The following TP53I13 variants were observed in gnomAD, a reference collection of about 807,000 sequenced individuals.
TP53I13 encodes the protein tumor protein p53-inducible protein 13.
In TP53I13, 27 loss-of-function variants were observed where a neutral mutation model predicts 39.1. That is an observed-to-expected ratio of 0.69 (90% confidence interval 0.51 to 0.95). The LOEUF is 0.95. Ranked by LOEUF, TP53I13 falls within the 40% of genes least tolerant of loss-of-function variation. The pLI, the probability that TP53I13 is intolerant of heterozygous loss-of-function variation, is 0.00. For missense variants in TP53I13, 544 were observed against 520.4 expected, an observed-to-expected ratio of 1.05 and a Z score of -0.44; for synonymous variants, 230 against 224.6, an observed-to-expected ratio of 1.02 and a Z score of -0.22.
intron 3 of TP53I13, 66 bp from the exon 4 acceptor site, chr17:29,571,525 G>A: frequency 6.2e-7 from 1 of 1,600,068 alleles, no homozygotes; most frequent in Non-Finnish European, 8.5e-7. Context: ...TCCCCTGGAT[G>A]GGAGAACTTG....
chr17:29,572,736 C>A (rs1248661450), intron 6 of TP53I13, 39 bp downstream of exon 6: 2 of 1,494,348 alleles, frequency 1.3e-6, no homozygotes, highest in African/African-American at 2.8e-5. Flanking sequence ...AGGCCCCCGC[C>A]CCACCTCGCG....
At position 29,572,166 on chromosome 17, in the gene TP53I13, C is replaced by A; in HGVS notation, c.538C>A (p.Arg180=). The A allele has an allele frequency of 6.2e-7, 1 of 1,607,968 alleles. No homozygotes were observed. Among genetic ancestry groups the A allele is most frequent in the Non-Finnish European group, 8.5e-7 (1 of 1,176,806 alleles). The part of the protein sequence containing the change: ...VQALALAFAL[R]SWRPPGTEVT... ...GGCCCTGGCTCTGGCCTTTGCTCTGCGGAGCTGGCGGCCCCCTGGCACAGA... is the reference window on the plus strand; with the variant it reads ...GGCCCTGGCTCTGGCCTTTGCTCTGAGGAGCTGGCGGCCCCCTGGCACAGA... The change falls in exon 6 of 7, where the codon CGG becomes AGG. Residue 180 remains arginine, a synonymous_variant. Coordinates refer to ENST00000301057, the MANE Select transcript of TP53I13 (RefSeq NM_138349.4).
chr17:29,572,384 C>T lies in TP53I13; in HGVS notation c.756C>T (p.Val252=), dbSNP rs2032978746. 2 of 1,598,834 alleles carry T rather than the reference C, an allele frequency of 1.3e-6. No individual in the cohort carries two copies. The highest frequency in any genetic ancestry group is 1.3e-5 in the African/African-American group (1 of 74,670). Reference sequence around the variant, plus strand: ...GTAATGCCCCATCTGTGCCCACTGTCTCCCTGCTGCCGGGGGCGCCTGGAG... The same window carrying T: ...GTAATGCCCCATCTGTGCCCACTGTTTCCCTGCTGCCGGGGGCGCCTGGAG... ...RESNAPSVPT[V]SLLPGAPGGN... Residue 252 remains valine (V), a synonymous_variant, in exon 6 of 7, where the codon GTC becomes GTT. Coordinates refer to ENST00000301057, the MANE Select transcript of TP53I13 (RefSeq NM_138349.4).
At chr17:29,576,792 G>T, downstream of TP53I13, 1 of 1,575,316 alleles carries the variant, frequency 6.3e-7, no homozygotes, top group Non-Finnish European at 8.6e-7. Context: ...GGCTACAAGA[G>T]GACAGAGCTG....
At chr17:29,574,918 G>C, downstream of TP53I13, 1 of 1,553,004 alleles carries the variant, frequency 6.4e-7, no homozygotes, top group Non-Finnish European at 8.7e-7. Context: ...CTGGCCTCTG[G>C]AGGGGGCAGG....
chr17:29,575,024 C>T (rs189161664), downstream of TP53I13: 753 of 1,493,148 alleles, frequency 5.0e-4, 4 homozygotes, highest in Middle Eastern at 0.012. This position sits in a 1 kb window ranked among gnomAD's most constrained non-coding sequence, Gnocchi z 5.5. Context: ...GGATTCTCCA[C>T]GCCTGCCCCA....
chr17:29,568,940 T>C lies in TP53I13; in HGVS notation c.73-78T>C, dbSNP rs2032814857. ...CGAGGGGGACGCGGAGTTCTTCCGC[T>C]GGCGGGCTGGGCCTGGGGAGAGAGA... On this transcript the variant is annotated intron_variant, in intron 1 of 6. Transcript: ENST00000301057. This position sits in a 1 kb window ranked among gnomAD's most constrained non-coding sequence, Gnocchi z 4.5. The C allele has an allele frequency of 3.1e-6, 5 of 1,594,828 alleles. No individual in the cohort carries two copies. The highest frequency in any genetic ancestry group is 1.3e-5 in the African/African-American group (1 of 74,780).
At chr17:29,582,130 G>A in the TP53I13 span, 70 of 1,578,396 alleles carry the variant, frequency 4.4e-5, no homozygotes, top group African/African-American at 5.4e-5. Context: ...CTGTCCGCAC[G>A]CTCGAGTGTA....
chr17:29,577,884 G>A (rs2033269169), downstream of TP53I13: 15 of 638,798 alleles, frequency 2.3e-5, no homozygotes, highest in South Asian at 8.8e-5. Flanking sequence ...CTTTGGGCAC[G>A]CAGAGCTAGG....
chr17:29,578,362 G>A, the TP53I13 span: 11 of 1,614,116 alleles, frequency 6.8e-6, no homozygotes, highest in South Asian at 1.1e-5. Flanking sequence ...TCAAAAAGCC[G>A]GTTGCTGAGC....
chr17:29,569,854 C>G (rs1451868114), intron 3 of TP53I13: 2 of 152,610 alleles, frequency 1.3e-5, no homozygotes, highest in East Asian at 1.9e-4. Context: ...ACACTGCGGG[C>G]TCAGCTTGCG....
At chr17:29,577,854 G>A (rs2033268318), downstream of TP53I13, 1 of 714,050 alleles carries the variant, frequency 1.4e-6, no homozygotes, top group Non-Finnish European at 2.5e-6. Flanking sequence ...CTGAGCACTG[G>A]TGTTCAGAAC....
chr17:29,579,001 G>T, the TP53I13 span: 3 of 1,613,712 alleles, frequency 1.9e-6, no homozygotes, highest in East Asian at 6.7e-5. Context: ...AAGTCCAGAG[G>T]AAGGCAGCAG....
chr17:29,571,692 C>T lies in TP53I13; in HGVS notation c.285C>T (p.Thr95=). The change falls in exon 4 of 7, where the codon ACC becomes ACT. Residue 95 remains threonine (T), a synonymous_variant. Coordinates refer to ENST00000301057, the MANE Select transcript of TP53I13 (RefSeq NM_138349.4). ...CTTGTATGGCTAACCCTTCCCTCAC[C>T]CCTGACTTCAGCCTCACGCAGGATC... ...AYACMANPSL[T]PDFSLTQDRP... 1.2e-6 allele frequency: 2 copies of T among 1,614,156 alleles called. No individual in the cohort carries two copies. Among genetic ancestry groups the T allele is most frequent in the South Asian group, 1.1e-5 (1 of 91,086 alleles).
downstream of TP53I13, chr17:29,575,502 G>C (rs751167339): frequency 3.2e-6 from 5 of 1,584,472 alleles, no homozygotes; most frequent in Admixed American, 3.5e-5. The surrounding 1 kb of genome is among the most constrained non-coding windows in gnomAD (Gnocchi z 5.5). Flanking sequence ...CAGAGACAAA[G>C]ATACATATAG....
At chr17:29,574,671 T>TA, downstream of TP53I13, 1 of 1,546,838 alleles carries the variant, frequency 6.5e-7, no homozygotes, top group Non-Finnish European at 8.9e-7. Flanking sequence ...AGTGAGGTCC[T>TA]AGGGTGCAGG....
downstream of TP53I13, chr17:29,576,197 C>T (rs751904658): frequency 1.2e-6 from 2 of 1,607,790 alleles, no homozygotes; most frequent in Middle Eastern, 1.7e-4. Flanking sequence ...CTCCCCACAC[C>T]TTGAGACCCA....
downstream of TP53I13, chr17:29,576,186 T>C (rs1175471320): frequency 1.2e-6 from 2 of 1,608,388 alleles, no homozygotes; most frequent in Non-Finnish European, 1.7e-6. Context: ...GCCCCACCCA[T>C]CTCCCCACAC....
chr17:29,579,018 G>C, the TP53I13 span: 13 of 1,611,586 alleles, frequency 8.1e-6, no homozygotes, highest in Non-Finnish European at 1.1e-5. Context: ...GCAGAGGGAA[G>C]AACAGGACAG....
Sources: allele counts gnomAD v4.1 joint callset, GRCh38; gene constraint gnomAD v4.1.1; non-coding constraint Gnocchi (gnomAD v3.1); transcripts MANE v1.5; gene names NCBI Gene and HGNC (gene_info 2026-07-23, HGNC 2026-07-21).